Variants in PPP1CB observed in about 807,000 individuals in gnomAD.
PPP1CB encodes the protein protein phosphatase 1 catalytic subunit beta.
PPP1CB carries 2 observed loss-of-function variants against 43.7 expected under a neutral mutation model. The ratio of observed to expected loss-of-function variants is 0.05; its 90% confidence interval spans 0.02 to 0.14. The LOEUF (loss-of-function observed/expected upper bound fraction) is 0.14, where lower values mean the gene tolerates loss of function less well. Ranked by LOEUF, PPP1CB falls within the 10% of genes least tolerant of loss-of-function variation. The pLI is 1.00. For synonymous variants in PPP1CB, 136 were observed against 135.6 expected (o/e 1.00, Z -0.02); for missense variants, 84 against 398.0 (o/e 0.21, Z 6.71).
At chr2:28,776,401 A>C (rs1210937562) in intron 1 of PPP1CB, among the ~76,000 whole-genome samples, 1 of 152,044 alleles carries the variant, frequency 6.6e-6, no homozygotes, top group Non-Finnish European at 1.5e-5. Context: ...AGCTGGGATT[A>C]CAGGCATGCG....
intron 2 of PPP1CB, among the ~76,000 whole-genome samples, chr2:28,778,067 G>A (rs1032578954): frequency 6.6e-5 from 10 of 152,208 alleles, no homozygotes; most frequent in African/African-American, 1.9e-4. Context: ...TTAAGCAAAT[G>A]TAGTTACTTA....
intron 1 of PPP1CB, among the ~76,000 whole-genome samples, chr2:28,773,656 C>T (rs1005716908): frequency 1.1e-4 from 11 of 104,232 alleles, no homozygotes; most frequent in Non-Finnish European, 2.1e-4. Flanking sequence ...ACAGGTTGCC[C>T]GGATGATTTC....
chr2:28,755,344 T>TA (rs1249038915), intron 1 of PPP1CB, among the ~76,000 whole-genome samples: 9 of 152,204 alleles, frequency 5.9e-5, no homozygotes, highest in Non-Finnish European at 1.0e-4. Flanking sequence ...CTGACCTTGA[T>TA]ATGATATTTT....
chr2:28,781,126 T>C (rs1015696521), intron 3 of PPP1CB, among the ~76,000 whole-genome samples: 3 of 152,134 alleles, frequency 2.0e-5, no homozygotes, highest in Non-Finnish European at 4.4e-5. Context: ...TATATTATAC[T>C]GATCTTAAAA....
rs1025343527 is a variant in PPP1CB at position 28,788,823 on chromosome 2, A to C, written c.744+14A>C. 5.7e-6 allele frequency: 9 copies of C among 1,579,204 alleles called. No individual in the cohort carries two copies. The highest frequency in any genetic ancestry group is 6.8e-6 in the Non-Finnish European group (8 of 1,169,584). On this transcript the variant is annotated intron_variant, in intron 6 of 7. Transcript: ENST00000395366. Reference sequence around the variant, plus strand: ...CGAGCTCATCAGGTATGAAATATAAAACTCTTAAGCTTTTTCTTTTTTCTT... The same window carrying C: ...CGAGCTCATCAGGTATGAAATATAACACTCTTAAGCTTTTTCTTTTTTCTT...
Position 28,752,458 on chromosome 2 carries a change from G to A in PPP1CB, c.52+282G>A, listed in dbSNP as rs541660867. ...CGAAGGCTGTGCGGAGCGGGTCTGC[G>A]GGAGACAGCCTTTCGGAAAGGCCGC... On this transcript the variant is annotated intron_variant, in intron 1 of 7. Transcript: ENST00000395366. Among the ~76,000 whole-genome samples, 534 of 152,276 alleles carry A rather than the reference G, an allele frequency of 3.5e-3. 3 individuals are homozygous for A. Among genetic ancestry groups the A allele is most frequent in the African/African-American group, 0.012 (491 of 41,558 alleles).
intron 1 of PPP1CB, among the ~76,000 whole-genome samples, chr2:28,763,607 C>T (rs1276106592): frequency 6.6e-6 from 1 of 152,154 alleles, no homozygotes; most frequent in Non-Finnish European, 1.5e-5. Flanking sequence ...AAGCCATGGG[C>T]CTTCTCAGAA....
In PPP1CB at chr2:28,751,975, T is replaced by C; in HGVS notation, c.-150T>C. On this transcript the variant is annotated 5_prime_UTR_variant, in exon 1 of 8. Transcript: ENST00000395366. ...CTCTCGCTACCCGGCGGGGAGGGGG[T>C]GGGGGGAGGGCCCGGGAAAAGGGGG... 3.7e-6 allele frequency: 2 copies of C among 534,338 alleles called. No homozygotes were observed. The highest frequency in any genetic ancestry group is 1.8e-5 in the South Asian group (1 of 55,048). The allele number at this position is 534,338 out of a possible 1,614,324, so 33.1% of individuals were successfully genotyped here.
intron 1 of PPP1CB, among the ~76,000 whole-genome samples, chr2:28,756,079 C>T (rs1227308600): frequency 6.6e-6 from 1 of 152,112 alleles, no homozygotes; most frequent in African/African-American, 2.4e-5. Context: ...CTTTACATAG[C>T]TTTATGAGTT....
intron 6 of PPP1CB, among the ~76,000 whole-genome samples, chr2:28,791,577 C>T (rs759659963): frequency 1.3e-5 from 2 of 152,148 alleles, no homozygotes; most frequent in Admixed American, 1.3e-4. Flanking sequence ...ATCTGCCCGC[C>T]TCGGCCTCCC....
At chr2:28,789,198 A>G (rs1572467054) in intron 6 of PPP1CB, among the ~76,000 whole-genome samples, 1 of 152,122 alleles carries the variant, frequency 6.6e-6, no homozygotes, top group East Asian at 1.9e-4. Context: ...ATCACCCTAA[A>G]AGAGGAAATG....
At chr2:28,780,084 C>CTTTTTTTTTTTTTTTTTTTTT (rs10559224) in intron 3 of PPP1CB, among the ~76,000 whole-genome samples, 21 of 131,796 alleles carry the variant, frequency 1.6e-4, no homozygotes, top group East Asian at 5.1e-4. Context: ...TCTTTTCTTT[C>CTTTTTTTTTTTTTTTTTTTTT]TTTTTTTTTT....
intron 3 of PPP1CB, 141 bp from the exon 4 acceptor site, chr2:28,781,597 T>C: frequency 1.6e-6 from 1 of 628,178 alleles, no homozygotes; most frequent in East Asian, 2.9e-5. Flanking sequence ...ATAACATCTT[T>C]GCATTGTAGA....
chr2:28,793,830 A>G, intron 6 of PPP1CB, 33 bp from the exon 7 acceptor site: 2 of 1,612,336 alleles, frequency 1.2e-6, no homozygotes. Flanking sequence ...ACCCACCAAT[A>G]AATGTTTTTT....
chr2:28,781,211 A>T (rs1198685734), intron 3 of PPP1CB, among the ~76,000 whole-genome samples: 1 of 152,120 alleles, frequency 6.6e-6, no homozygotes, highest in Non-Finnish European at 1.5e-5. Context: ...AAATTTGATT[A>T]GGTTTATTTT....
chr2:28,760,599 TG>T (rs943193787), intron 1 of PPP1CB, among the ~76,000 whole-genome samples: 51 of 152,314 alleles, frequency 3.3e-4, no homozygotes, highest in African/African-American at 1.2e-3. Flanking sequence ...CTTTGGTAAA[TG>T]ATGCATAACT....
At chr2:28,783,295 G>A (rs1395690679) in intron 4 of PPP1CB, among the ~76,000 whole-genome samples, 1 of 151,968 alleles carries the variant, frequency 6.6e-6, no homozygotes, top group Non-Finnish European at 1.5e-5. Context: ...ATGTTTCTAT[G>A]AAGGCCAGGG....
intron 5 of PPP1CB, 118 bp from the exon 6 acceptor site, chr2:28,788,540 G>A (rs1332598505): frequency 4.1e-5 from 45 of 1,086,760 alleles, no homozygotes; most frequent in Non-Finnish European, 5.5e-5. Flanking sequence ...GGCAAGTGAT[G>A]GTCATTGTTT....
chr2:28,752,071 G>A lies in PPP1CB; in HGVS notation c.-54G>A. ...ACGCCGAGCCGTCGCCGCAGCCTCC[G>A]CCGCCGAGAAGCCCTTGTTCCCGCT... On this transcript the variant is annotated 5_prime_UTR_variant, in exon 1 of 8. Coordinates refer to ENST00000395366, the MANE Select transcript of PPP1CB (RefSeq NM_002709.3). The A allele has an allele frequency of 1.3e-6, 2 of 1,530,988 alleles. No individual in the cohort carries two copies. The highest frequency in any genetic ancestry group is 1.8e-6 in the Non-Finnish European group (2 of 1,129,124). 94.8% of individuals were successfully genotyped at this position (1,530,988 alleles called of 1,614,324 possible).
Sources: allele counts gnomAD v4.1 joint callset (sites outside exome capture counted in the v4.1 genomes callset), GRCh38; gene constraint gnomAD v4.1.1; transcripts MANE v1.5; gene names NCBI Gene and HGNC (gene_info 2026-07-23, HGNC 2026-07-21).